Variants in MYH10 observed in about 807,000 individuals in gnomAD.
The protein encoded by MYH10 is myosin heavy chain 10, also known as myosin-10.
MYH10 carries 55 observed loss-of-function variants against 257.8 expected under a neutral mutation model. The ratio of observed to expected loss-of-function variants is 0.21; its 90% CI spans 0.17 to 0.27. MYH10 has a LOEUF of 0.27. MYH10 is among the 10% of genes least tolerant of loss of function. MYH10 has a pLI of 1.00. For missense variants in MYH10, 1,631 were observed against 2,500.6 expected, an observed-to-expected ratio of 0.65 and a Z score of 7.42; for synonymous variants, 854 against 921.7, an observed-to-expected ratio of 0.93 and a Z score of 1.33.
intron 37 of MYH10, among the ~76,000 whole-genome samples, chr17:8,483,374 G>A (rs1200470584): frequency 6.6e-6 from 1 of 152,178 alleles, no homozygotes; most frequent in Admixed American, 6.5e-5. Context: ...CTGGCTCTCA[G>A]GTTCTCTCTC....
At chr17:8,532,077 C>G (rs2082019792) in intron 16 of MYH10, among the ~76,000 whole-genome samples, 1 of 152,208 alleles carries the variant, frequency 6.6e-6, no homozygotes, top group African/African-American at 2.4e-5. Context: ...CCTCTGAGAT[C>G]TTCTCCGTCA....
At chr17:8,480,696 T>G (rs1913594056) in intron 38 of MYH10, 171 bp from the exon 39 acceptor site, 2 of 814,822 alleles carry the variant, frequency 2.5e-6, no homozygotes, top group Non-Finnish European at 4.0e-6. Flanking sequence ...CTGATGACAC[T>G]TCCAAACACC....
chr17:8,582,308 C>A (rs750583840), intron 4 of MYH10, among the ~76,000 whole-genome samples: 7 of 152,150 alleles, frequency 4.6e-5, no homozygotes, highest in Non-Finnish European at 8.8e-5. Flanking sequence ...AATTAGGAGA[C>A]TCCTCAGAAA....
chr17:8,530,099 T>G (rs1264076805), intron 17 of MYH10, among the ~76,000 whole-genome samples: 3 of 152,096 alleles, frequency 2.0e-5, no homozygotes, highest in African/African-American at 7.2e-5. Context: ...GCACACAAAT[T>G]CCAAACAAAA....
At chr17:8,619,380 C>G (rs2085380998) in intron 2 of MYH10, among the ~76,000 whole-genome samples, 1 of 152,056 alleles carries the variant, frequency 6.6e-6, no homozygotes, top group Non-Finnish European at 1.5e-5. Context: ...TGAACCGTCA[C>G]TACAAATATC....
intron 6 of MYH10, among the ~76,000 whole-genome samples, chr17:8,572,770 T>C (rs2083390799): frequency 6.6e-6 from 1 of 152,178 alleles, no homozygotes; most frequent in South Asian, 2.1e-4. Context: ...CTCCTACTAA[T>C]GGATTTGTGG....
At chr17:8,565,090 A>G (rs1202895946) in intron 7 of MYH10, among the ~76,000 whole-genome samples, 1 of 152,210 alleles carries the variant, frequency 6.6e-6, no homozygotes, top group Non-Finnish European at 1.5e-5. Context: ...GTGATTTCAT[A>G]ATACCATCTA....
chr17:8,508,413 T>C, intron 26 of MYH10, 141 bp downstream of exon 26: 2 of 1,231,306 alleles, frequency 1.6e-6, no homozygotes, highest in Non-Finnish European at 2.3e-6. Flanking sequence ...AAGGGACCTA[T>C]TTTAATAAGT....
intron 5 of MYH10, 42 bp from the exon 6 acceptor site, chr17:8,576,714 G>T: frequency 6.5e-7 from 1 of 1,543,986 alleles, no homozygotes; most frequent in Non-Finnish European, 8.8e-7. Flanking sequence ...TAGCAAGTTT[G>T]AGTCTTTGCC....
At chr17:8,608,628 A>C (rs2084899347) in intron 2 of MYH10, among the ~76,000 whole-genome samples, 1 of 152,210 alleles carries the variant, frequency 6.6e-6, no homozygotes, top group South Asian at 2.1e-4. Context: ...CAAAGGCCTG[A>C]AAGGTTAAGT....
chr17:8,596,967 G>A (rs1441537597), intron 3 of MYH10, among the ~76,000 whole-genome samples: 1 of 152,100 alleles, frequency 6.6e-6, no homozygotes, highest in Non-Finnish European at 1.5e-5. Context: ...AAAGAAACAA[G>A]CACGAACTGG....
Position 8,558,225 on chromosome 17 carries a change from T to C in MYH10, c.757-4207A>G, listed in dbSNP as rs149030164. Among the ~76,000 whole-genome samples the C allele has an allele frequency of 7.3e-3, 1,118 of 152,278 alleles. 15 individuals carry two copies. Among genetic ancestry groups the C allele is most frequent in the African/African-American group, 0.026 (1,075 of 41,550 alleles). ...GCACTCTACACAAATAATATAATTA[T>C]TGGCATGAAGAGATGCTGACCTAAT... On this transcript the variant is annotated intron_variant, in intron 7 of 42. Coordinates refer to ENST00000360416, the MANE Select transcript of MYH10 (RefSeq NM_001256012.3).
In MYH10 at chr17:8,512,425, T is replaced by G. The variant is rs150990646; in HGVS notation, c.2952+26A>C. On this transcript the variant is annotated intron_variant, in intron 24 of 42. Transcript: ENST00000360416. The stretch of plus-strand genomic sequence containing the variant: ...ATCCACTTGAAAATCCAAAATATGC[T>G]TCTAAGTAAAAATTATTATACATAC... 197 of 1,572,406 alleles carry G rather than the reference T, an allele frequency of 1.3e-4. No homozygotes were observed. The African/African-American group carries it at 2.4e-3, about 19-fold the overall frequency.
At chr17:8,481,216 G>T in intron 38 of MYH10, 106 bp downstream of exon 38, 1 of 1,132,580 alleles carries the variant, frequency 8.8e-7, no homozygotes, top group Admixed American at 1.8e-5. Context: ...CCCAGCGAGG[G>T]AGGAGCAAAC....
intron 3 of MYH10, among the ~76,000 whole-genome samples, chr17:8,593,445 CAAAA>C: frequency 7.7e-6 from 1 of 130,480 alleles, no homozygotes; most frequent in East Asian, 2.4e-4. Context: ...AACAAACAAA[CAAAA>C]AAACCCTTTC....
chr17:8,486,145 T>G (rs1202385900), intron 36 of MYH10, among the ~76,000 whole-genome samples: 1 of 152,088 alleles, frequency 6.6e-6, no homozygotes, highest in Non-Finnish European at 1.5e-5. Context: ...GACTGAAAGA[T>G]TAGTAGTTGA....
intron 25 of MYH10, among the ~76,000 whole-genome samples, chr17:8,509,510 T>G (rs561860319): frequency 6.6e-6 from 1 of 152,300 alleles, no homozygotes; most frequent in South Asian, 2.1e-4. Context: ...CCACAGTCAA[T>G]GGTGGATGAA....
intron 6 of MYH10, among the ~76,000 whole-genome samples, chr17:8,571,217 C>T (rs1277872223): frequency 1.0e-4 from 15 of 149,916 alleles, no homozygotes; most frequent in South Asian, 2.1e-4. Context: ...CTCTGTCGCC[C>T]AGGCTGGAGT....
At chr17:8,627,414 C>T (rs981048657) in intron 1 of MYH10, among the ~76,000 whole-genome samples, 1 of 152,212 alleles carries the variant, frequency 6.6e-6, no homozygotes, top group African/African-American at 2.4e-5. Context: ...ACCCAAATGC[C>T]ATCCTTTCAG....
Sources: allele counts gnomAD v4.1 joint callset (sites outside exome capture counted in the v4.1 genomes callset), GRCh38; gene constraint gnomAD v4.1.1; transcripts MANE v1.5; gene names NCBI Gene and HGNC (gene_info 2026-07-23, HGNC 2026-07-21).